The following LPO variants were observed in gnomAD, a reference collection of about 807,000 sequenced individuals.
The protein encoded by LPO is lactoperoxidase.
LPO carries 70 observed loss-of-function variants against 68.4 expected under a neutral mutation model. The observed-to-expected ratio is 1.02, with a 90% CI of 0.84 to 1.25. The LOEUF (loss-of-function observed/expected upper bound fraction) is 1.25, where lower values mean the gene tolerates loss of function less well. Ranked by LOEUF, LPO falls within the 50% of genes most tolerant of loss-of-function variation. The pLI, the probability that LPO is intolerant of heterozygous loss-of-function variation, is 0.00. For missense variants in LPO, 873 were observed against 908.4 expected (o/e 0.96, Z 0.50); for synonymous variants, 360 against 357.6 (o/e 1.01, Z -0.08).
chr17:58,251,851 T>C (rs752974561), intron 7 of LPO: 1 of 589,330 alleles, frequency 1.7e-6, no homozygotes, highest in Non-Finnish European at 3.3e-6. Context: ...CTGTTGTTAG[T>C]AGTAATTATT....
At chr17:58,253,040 A>G (rs1598026005) in intron 8 of LPO, among the ~76,000 whole-genome samples, 4 of 150,464 alleles carry the variant, frequency 2.7e-5, no homozygotes, top group Admixed American at 1.3e-4. Flanking sequence ...AAAAAAAAAA[A>G]AAAAAAAAGA....
rs895464573 is a variant in LPO, at chr17:58,267,949, C to G, written c.2094C>G (p.Ala698=). ...SYPYDFVDCS[A]IDKLDLSPWA... Reference sequence around the variant, plus strand: ...CCTATGACTTCGTGGATTGCTCAGCCATCGACAAGCTGGACCTGTCACCCT... The same window carrying G: ...CCTATGACTTCGTGGATTGCTCAGCGATCGACAAGCTGGACCTGTCACCCT... Residue 698 remains alanine (A), a synonymous_variant, in exon 13 of 13, where the codon GCC becomes GCG. Transcript: ENST00000262290. 1 of 1,614,102 alleles carries G rather than the reference C, an allele frequency of 6.2e-7. No individual in the cohort carries two copies. Among genetic ancestry groups the G allele is most frequent in the Admixed American group, 1.7e-5 (1 of 60,016 alleles).
chr17:58,252,140 G>A (rs370453994), intron 7 of LPO, 42 bp from the exon 8 acceptor site: 2 of 1,587,782 alleles, frequency 1.3e-6, no homozygotes, highest in Non-Finnish European at 1.7e-6. Context: ...GGACCCAGCT[G>A]TTCCACCCCT....
At chr17:58,242,097 C>T (rs1268656984) in intron 1 of LPO, among the ~76,000 whole-genome samples, 1 of 152,182 alleles carries the variant, frequency 6.6e-6, no homozygotes, top group Non-Finnish European at 1.5e-5. Flanking sequence ...GGTCTAAACA[C>T]ACAATCATTC....
At chr17:58,265,077 C>G in intron 10 of LPO, 103 bp downstream of exon 10, 1 of 1,464,952 alleles carries the variant, frequency 6.8e-7, no homozygotes, top group Non-Finnish European at 9.2e-7. Flanking sequence ...TTTACATGAC[C>G]TTGGGCAAAT....
intron 2 of LPO, 97 bp from the exon 3 acceptor site, chr17:58,243,897 G>A (rs1324642510): frequency 9.0e-6 from 7 of 776,778 alleles, no homozygotes; most frequent in Non-Finnish European, 1.6e-5. Context: ...TTTGAGGGGT[G>A]GGGGTAATGG....
At chr17:58,247,730 G>A in intron 4 of LPO, 92 bp downstream of exon 4, 1 of 1,396,366 alleles carries the variant, frequency 7.2e-7, no homozygotes, top group Non-Finnish European at 9.8e-7. Flanking sequence ...TTCCTGTTGA[G>A]AGCTATCTAC....
At chr17:58,247,425 C>T in intron 3 of LPO, 53 bp from the exon 4 acceptor site, 1 of 1,571,606 alleles carries the variant, frequency 6.4e-7, no homozygotes, top group Non-Finnish European at 8.6e-7. Flanking sequence ...CAGCGGCCCC[C>T]AGCCCCCTTC....
intron 6 of LPO, 142 bp downstream of exon 6, chr17:58,249,837 C>A: frequency 1.6e-6 from 2 of 1,261,946 alleles, no homozygotes; most frequent in East Asian, 2.8e-5. Flanking sequence ...CCCCACCTTC[C>A]GCTAGAGGGC....
rs1555605278 is a variant in LPO, at chr17:58,254,152, T to TATAGATATATATATAGATAG, written c.1106-652_1106-651insTATATATAGATAGATAGATA. Among the ~76,000 whole-genome samples the TATAGATATATATATAGATAG allele has an allele frequency of 3.0e-3, 397 of 133,386 alleles. 2 individuals carry two copies. The highest frequency in any genetic ancestry group is 0.011 in the African/African-American group (366 of 33,746). 87.5% of individuals were successfully genotyped at this position (133,386 alleles called of 152,430 possible). ...TGATAGATATATAGATATATAGATA[T>TATAGATATATATATAGATAG]ATAGATAGATAGATAGATAGATAGA... On this transcript the variant is annotated intron_variant, in intron 8 of 12. Transcript: ENST00000262290.
intron 8 of LPO, among the ~76,000 whole-genome samples, chr17:58,254,152 T>TATAGATATATAGATAG (rs1555605278): frequency 0.042 from 5,611 of 133,092 alleles, 142 homozygotes; most frequent in African/African-American, 0.07. Context: ...TATATAGATA[T>TATAGATATATAGATAG]ATAGATAGAT....
intron 3 of LPO, among the ~76,000 whole-genome samples, chr17:58,246,449 A>C (rs1337642163): frequency 6.6e-6 from 1 of 152,100 alleles, no homozygotes; most frequent in Non-Finnish European, 1.5e-5. Context: ...CGCGGTGGAG[A>C]CTGTGGAGAT....
chr17:58,255,088 C>A, intron 9 of LPO, 117 bp downstream of exon 9: 1 of 1,023,348 alleles, frequency 9.8e-7, no homozygotes, highest in Non-Finnish European at 1.4e-6. Flanking sequence ...TCCGTTTCCC[C>A]CGGCCCCTCT....
Position 58,266,164 on chromosome 17 carries a change from C to A in LPO, c.1531C>A (p.Pro511Thr). 6.2e-7 allele frequency: 1 copy of A among 1,613,874 alleles called. No individual in the cohort carries two copies. The part of the protein sequence containing the change: ...WRMVKDGGID[P>T]LVRGLLAKKS... The stretch of plus-strand genomic sequence containing the variant: ...GTCTCCCTTGGCAGGTGGAATTGAT[C>A]CTCTGGTGCGGGGCCTGCTGGCCAA... Residue 511 changes from proline (P) to threonine (T), a missense_variant, in exon 11 of 13, where the codon CCT (proline) becomes ACT (threonine). Physicochemically the swap from Pro to Thr is conservative, Grantham distance 38 (BLOSUM62 -1). Transcript: ENST00000262290.
chr17:58,263,049 T>C (rs1329195699), intron 9 of LPO, among the ~76,000 whole-genome samples: 1 of 152,244 alleles, frequency 6.6e-6, no homozygotes, highest in Non-Finnish European at 1.5e-5. Flanking sequence ...CTTTCTGTTG[T>C]TCAGATTGAG....
intron 7 of LPO, chr17:58,250,885 G>C: frequency 2.1e-6 from 1 of 487,094 alleles, no homozygotes. Flanking sequence ...GGGCCAGTGT[G>C]GGAATTGGAC....
At chr17:58,259,940 T>G (rs550627088) in intron 9 of LPO, among the ~76,000 whole-genome samples, 71 of 152,282 alleles carry the variant, frequency 4.7e-4, no homozygotes, top group African/African-American at 1.7e-3. Context: ...CTCAGTCTCC[T>G]GAGTAGCTGG....
chr17:58,264,688 A>G, intron 9 of LPO, 34 bp from the exon 10 acceptor site: 2 of 1,611,442 alleles, frequency 1.2e-6, no homozygotes, highest in Non-Finnish European at 1.7e-6. Flanking sequence ...AAACCTTCTT[A>G]CACCCTTTCC....
chr17:58,255,415 T>C (rs1598027919), intron 9 of LPO, among the ~76,000 whole-genome samples: 1 of 152,270 alleles, frequency 6.6e-6, no homozygotes. Context: ...TTTACAAAGG[T>C]TGATGTGTTG....
Sources: allele counts gnomAD v4.1 joint callset (sites outside exome capture counted in the v4.1 genomes callset), GRCh38; gene constraint gnomAD v4.1.1; transcripts MANE v1.5; gene names NCBI Gene and HGNC (gene_info 2026-07-23, HGNC 2026-07-21).